Variants in FOXP1 observed in about 807,000 individuals in gnomAD.
The protein encoded by FOXP1 is forkhead box protein P1.
FOXP1 carries 15 observed loss-of-function variants against 98.2 expected under a neutral mutation model. That is an observed-to-expected ratio of 0.15 (90% CI 0.10 to 0.24). The LOEUF (loss-of-function observed/expected upper bound fraction) is 0.24. Among genes scored for constraint, FOXP1 ranks in the 10% least tolerant of loss-of-function variants. FOXP1 has a pLI of 1.00. For synonymous variants in FOXP1, 371 were observed against 314.5 expected, an observed-to-expected ratio of 1.18 and a Z score of -1.90; for missense variants, 633 against 848.5, an observed-to-expected ratio of 0.75 and a Z score of 3.15.
chr3:70,982,652 A>G (rs1393399108), intron 14 of FOXP1, among the ~76,000 whole-genome samples: 1 of 150,566 alleles, frequency 6.6e-6, no homozygotes, highest in East Asian at 1.9e-4. Context: ...AGCCATCGAA[A>G]CTATTCAAAC....
chr3:71,453,988 G>T (rs988294697), intron 3 of FOXP1, among the ~76,000 whole-genome samples: 1 of 152,140 alleles, frequency 6.6e-6, no homozygotes, highest in African/African-American at 2.4e-5. Context: ...GGCCTGGCAG[G>T]TATTTCCACC....
chr3:71,338,144 G>A (rs898262705), intron 4 of FOXP1, among the ~76,000 whole-genome samples: 3 of 152,160 alleles, frequency 2.0e-5, no homozygotes, highest in African/African-American at 7.2e-5. Flanking sequence ...AAGAGAAATG[G>A]GAGGCTATAT....
intron 7 of FOXP1, among the ~76,000 whole-genome samples, chr3:71,091,106 T>TGG (rs1270845655): frequency 1.5e-4 from 17 of 115,436 alleles, no homozygotes; most frequent in African/African-American, 5.3e-4. Context: ...TCTGTGTGTG[T>TGG]GTGTGTGTGT....
intron 3 of FOXP1, among the ~76,000 whole-genome samples, chr3:71,493,177 T>C (rs749475997): frequency 6.6e-6 from 1 of 152,172 alleles, no homozygotes; most frequent in African/African-American, 2.4e-5. Context: ...AAAACTGAGA[T>C]AGTCCATCCT....
At chr3:70,982,135 TCTTA>T (rs1489413257) in intron 14 of FOXP1, among the ~76,000 whole-genome samples, 1 of 152,196 alleles carries the variant, frequency 6.6e-6, no homozygotes, top group Non-Finnish European at 1.5e-5. Context: ...AAACCTGCTC[TCTTA>T]ATTAAGGCCT....
intron 4 of FOXP1, among the ~76,000 whole-genome samples, chr3:71,356,327 T>C (rs1051132836): frequency 6.6e-6 from 1 of 151,668 alleles, no homozygotes; most frequent in African/African-American, 2.4e-5. Context: ...AGCAGCTGTA[T>C]ACATAGCTGC....
At chr3:71,108,488 G>C (rs1205808547) in intron 7 of FOXP1, among the ~76,000 whole-genome samples, 1 of 152,192 alleles carries the variant, frequency 6.6e-6, no homozygotes, top group Non-Finnish European at 1.5e-5. Context: ...AGCCTATGCT[G>C]GGCACAGTGG....
chr3:71,493,844 A>G (rs2091227864), intron 2 of FOXP1, among the ~76,000 whole-genome samples: 1 of 152,234 alleles, frequency 6.6e-6, no homozygotes, highest in African/African-American at 2.4e-5. Context: ...ACCACTTCCC[A>G]TTATCAAGTC....
intron 3 of FOXP1, among the ~76,000 whole-genome samples, chr3:71,435,799 G>A (rs111210762): frequency 1.9e-3 from 74 of 38,590 alleles, no homozygotes; most frequent in African/African-American, 4.8e-3. Context: ...GAGGGAGGGA[G>A]GGAGGGACGG....
intron 5 of FOXP1, among the ~76,000 whole-genome samples, chr3:71,214,900 T>A (rs547660501): frequency 1.3e-5 from 2 of 152,172 alleles, no homozygotes; most frequent in African/African-American, 4.8e-5. Flanking sequence ...TAGAACCACA[T>A]ATACCTCCAA....
intron 7 of FOXP1, among the ~76,000 whole-genome samples, chr3:71,078,648 G>A (rs938659214): frequency 2.0e-5 from 3 of 151,838 alleles, no homozygotes; most frequent in African/African-American, 4.8e-5. Context: ...GGAAGGGCAC[G>A]AAAAGCAGTT....
chr3:71,530,673 G>A (rs960195414), intron 2 of FOXP1, among the ~76,000 whole-genome samples: 1 of 152,220 alleles, frequency 6.6e-6, no homozygotes. Context: ...TGCACATACT[G>A]TGTTAAGCCC....
At chr3:71,129,160 A>C (rs2059410732) in intron 6 of FOXP1, among the ~76,000 whole-genome samples, 1 of 152,088 alleles carries the variant, frequency 6.6e-6, no homozygotes, top group African/African-American at 2.4e-5. Context: ...TCCCACACTG[A>C]GTTTTCGGCC....
intron 1 of FOXP1, 103 bp from the exon 2 acceptor site, chr3:71,581,800 A>G (rs2048192225): frequency 2.0e-6 from 2 of 986,014 alleles, no homozygotes; most frequent in South Asian, 9.4e-5. Context: ...AGGGGCCAGG[A>G]CAGAGAGGGC....
Position 71,516,913 on chromosome 3 carries a change from G to A in FOXP1, c.-297-23358C>T, listed in dbSNP as rs537291218. Among the ~76,000 whole-genome samples the A allele has an allele frequency of 2.4e-4, 36 of 152,208 alleles. 1 individual carries two copies. The highest frequency in any genetic ancestry group is 1.7e-3 in the South Asian group (8 of 4,822). ...ATTCACTTAGCCAATCGACACATAC[G>A]CCATATATGAAGCACCCATCCAGGG... On this transcript the variant is annotated intron_variant, in intron 2 of 20. Transcript: ENST00000649528.
At chr3:71,440,620 C>T (rs766686806) in intron 3 of FOXP1, among the ~76,000 whole-genome samples, 4 of 151,254 alleles carry the variant, frequency 2.6e-5, no homozygotes, top group East Asian at 1.9e-4. Flanking sequence ...CACTTGAACC[C>T]GGAAGGCAGA....
At chr3:71,112,691 C>T (rs765447635) in intron 6 of FOXP1, 54 bp from the exon 7 acceptor site, 1 of 1,360,764 alleles carries the variant, frequency 7.3e-7, no homozygotes, top group South Asian at 1.2e-5. Flanking sequence ...TCAGGGGACT[C>T]TTCATAAAAA....
intron 2 of FOXP1, among the ~76,000 whole-genome samples, chr3:71,534,371 A>G (rs1251372258): frequency 6.6e-6 from 1 of 152,108 alleles, no homozygotes; most frequent in East Asian, 1.9e-4. Flanking sequence ...AACAACAACA[A>G]CAACAACAAA....
At chr3:71,577,896 C>T (rs751871959) in intron 2 of FOXP1, among the ~76,000 whole-genome samples, 6 of 149,548 alleles carry the variant, frequency 4.0e-5, no homozygotes, top group Non-Finnish European at 5.9e-5. Flanking sequence ...CTTTAGAAAA[C>T]AAACCCCTAC....
Sources: allele counts gnomAD v4.1 joint callset (sites outside exome capture counted in the v4.1 genomes callset), GRCh38; gene constraint gnomAD v4.1.1; transcripts MANE v1.5; gene names NCBI Gene and HGNC (gene_info 2026-07-23, HGNC 2026-07-21).